The following NWD2 variants were observed in gnomAD, a reference collection of about 807,000 sequenced individuals.
The protein encoded by NWD2 is NACHT and WD repeat domain-containing protein 2.
NWD2 carries 37 observed loss-of-function variants against 132.7 expected under a neutral mutation model. That is an observed-to-expected ratio of 0.28 (90% CI 0.21 to 0.37). The LOEUF is 0.37. Ranked by LOEUF, NWD2 falls within the 10% of genes least tolerant of loss-of-function variation. The pLI, the probability that NWD2 is intolerant of heterozygous loss-of-function variation, is 1.00. For missense variants in NWD2, 1,592 were observed against 2,122.4 expected, an observed-to-expected ratio of 0.75 and a Z score of 4.91; for synonymous variants, 705 against 803.0, an observed-to-expected ratio of 0.88 and a Z score of 2.06.
intron 3 of NWD2, among the ~76,000 whole-genome samples, chr4:37,395,645 A>G (rs942645309): frequency 6.7e-6 from 1 of 148,464 alleles, no homozygotes; most frequent in South Asian, 2.1e-4. Context: ...TCTCAGATCC[A>G]TTATGGGGAA....
Position 37,433,889 on chromosome 4 carries a change from C to G in NWD2, c.575C>G (p.Thr192Ser), listed in dbSNP as rs1226341541. 1 of 1,544,490 alleles carries G rather than the reference C, an allele frequency of 6.5e-7. No homozygotes were observed. Among genetic ancestry groups the G allele is most frequent in the Non-Finnish European group, 8.7e-7 (1 of 1,143,054 alleles). ...RSNRNAMQPSTNAENEKTWQE... is the reference protein window; with the variant it reads ...RSNRNAMQPSSNAENEKTWQE... ...ACATTTCTATAGATGCAGCCTTCTA[C>G]CAATGCTGAAAACGAGAAGACATGG... Residue 192 changes from threonine to serine, a missense_variant, in exon 5 of 7, where the codon ACC (threonine) becomes AGC (serine). Coordinates refer to ENST00000309447, the MANE Select transcript of NWD2 (RefSeq NM_001144990.2).
intron 1 of NWD2, among the ~76,000 whole-genome samples, chr4:37,284,473 C>A (rs565468075): frequency 6.6e-6 from 1 of 152,310 alleles, no homozygotes; most frequent in East Asian, 1.9e-4. Context: ...CCCCAGGACC[C>A]CACAGCCCAT....
chr4:37,423,099 C>A (rs1057172670), intron 3 of NWD2, among the ~76,000 whole-genome samples: 2 of 152,088 alleles, frequency 1.3e-5, no homozygotes, highest in African/African-American at 4.8e-5. Context: ...ACTTAATGTG[C>A]TAGATATATC....
intron 3 of NWD2, among the ~76,000 whole-genome samples, chr4:37,388,852 T>A (rs1421086526): frequency 1.3e-5 from 2 of 150,898 alleles, no homozygotes; most frequent in Non-Finnish European, 2.9e-5. Flanking sequence ...CCCCAGACAC[T>A]CTGTACATGT....
intron 3 of NWD2, among the ~76,000 whole-genome samples, chr4:37,394,550 G>A (rs891713802): frequency 6.6e-6 from 1 of 152,120 alleles, no homozygotes; most frequent in African/African-American, 2.4e-5. Flanking sequence ...CACTCCAACA[G>A]TTAATTAAAA....
intron 3 of NWD2, among the ~76,000 whole-genome samples, chr4:37,357,503 G>A (rs1482721137): frequency 6.6e-6 from 1 of 152,180 alleles, no homozygotes; most frequent in Non-Finnish European, 1.5e-5. Context: ...ATATAGATAA[G>A]TTGATTACTC....
intron 1 of NWD2, among the ~76,000 whole-genome samples, chr4:37,279,706 T>C (rs1412849844): frequency 6.6e-6 from 1 of 152,218 alleles, no homozygotes; most frequent in Non-Finnish European, 1.5e-5. Flanking sequence ...GATTATATTA[T>C]CACCTATAGC....
At chr4:37,287,444 T>C (rs1046729535) in intron 1 of NWD2, among the ~76,000 whole-genome samples, 1 of 152,188 alleles carries the variant, frequency 6.6e-6, no homozygotes, top group African/African-American at 2.4e-5. Flanking sequence ...CAGGCTGCAC[T>C]TTTACCCTGC....
At chr4:37,259,293 C>G (rs1245547979) in intron 1 of NWD2, among the ~76,000 whole-genome samples, 1 of 152,124 alleles carries the variant, frequency 6.6e-6, no homozygotes, top group Non-Finnish European at 1.5e-5. Context: ...TACAGTGAAC[C>G]CTATATAAAA....
chr4:37,262,370 T>A (rs1024201796), intron 1 of NWD2, among the ~76,000 whole-genome samples: 1 of 152,238 alleles, frequency 6.6e-6, no homozygotes. Context: ...ATACAGCTTC[T>A]GTTTTCTCCA....
At chr4:37,368,076 TAA>T (rs1291415421) in intron 3 of NWD2, among the ~76,000 whole-genome samples, 1 of 152,150 alleles carries the variant, frequency 6.6e-6, no homozygotes, top group East Asian at 1.9e-4. Flanking sequence ...ATGACTCAGA[TAA>T]CATAATCGCT....
chr4:37,271,568 TA>T (rs2109263599), intron 1 of NWD2, among the ~76,000 whole-genome samples: 1 of 151,942 alleles, frequency 6.6e-6, no homozygotes, highest in East Asian at 1.9e-4. Flanking sequence ...TAAATTCACT[TA>T]TGAGTTCAAA....
intron 1 of NWD2, among the ~76,000 whole-genome samples, chr4:37,253,478 G>C (rs1446165421): frequency 6.6e-6 from 1 of 152,180 alleles, no homozygotes; most frequent in East Asian, 1.9e-4. Context: ...GGATAGAAGT[G>C]AGCAGATGGG....
At chr4:37,413,433 A>T (rs1721202310) in intron 3 of NWD2, among the ~76,000 whole-genome samples, 2 of 152,234 alleles carry the variant, frequency 1.3e-5, no homozygotes, top group South Asian at 4.1e-4. Context: ...ACCATCTCAC[A>T]CCAGTTAGAA....
At chr4:37,405,420 G>GGAA (rs1720978826) in intron 3 of NWD2, among the ~76,000 whole-genome samples, 5 of 138,746 alleles carry the variant, frequency 3.6e-5, no homozygotes, top group Non-Finnish European at 4.6e-5. Context: ...TTAGTTGAAT[G>GGAA]TAATAGAATA....
chr4:37,326,538 A>C (rs998730272), intron 2 of NWD2, among the ~76,000 whole-genome samples: 1 of 152,216 alleles, frequency 6.6e-6, no homozygotes, highest in Non-Finnish European at 1.5e-5. Flanking sequence ...GCCTTTCAAG[A>C]GACAGCGATG....
At chr4:37,434,636 C>T (rs926039274) in intron 5 of NWD2, among the ~76,000 whole-genome samples, 11 of 151,870 alleles carry the variant, frequency 7.2e-5, no homozygotes, top group African/African-American at 2.2e-4. Context: ...ACCTGAATTA[C>T]GGAAGAAAAT....
chr4:37,295,184 T>A (rs1306723050), intron 1 of NWD2, among the ~76,000 whole-genome samples: 1 of 151,714 alleles, frequency 6.6e-6, no homozygotes, highest in African/African-American at 2.4e-5. Context: ...TCAGCTTAGT[T>A]TTTTTTTTGT....
intron 3 of NWD2, among the ~76,000 whole-genome samples, chr4:37,396,231 G>A (rs754331383): frequency 1.3e-5 from 2 of 152,142 alleles, no homozygotes; most frequent in African/African-American, 2.4e-5. Context: ...GATATTATCC[G>A]ATTGTCTTCT....
Sources: allele counts gnomAD v4.1 joint callset (sites outside exome capture counted in the v4.1 genomes callset), GRCh38; gene constraint gnomAD v4.1.1; transcripts MANE v1.5; gene names NCBI Gene and HGNC (gene_info 2026-07-23, HGNC 2026-07-21).